Variants in SCHIP1 observed in about 807,000 individuals in gnomAD.
The protein encoded by SCHIP1 is schwannomin interacting protein 1, also known as schwannomin-interacting protein 1.
Under a neutral mutation model 29.7 loss-of-function variants are expected in SCHIP1, and 8 were observed. The ratio of observed to expected loss-of-function variants is 0.27; its 90% CI spans 0.16 to 0.49. The LOEUF is 0.49. Among genes scored for constraint, SCHIP1 ranks in the 20% least tolerant of loss-of-function variants. The probability of loss-of-function intolerance (pLI) is 0.99; values close to 1 mark genes in which losing one functional copy is unlikely to be tolerated. For missense variants in SCHIP1, 193 were observed against 294.6 expected (o/e 0.66, Z 2.52); for synonymous variants, 76 against 94.9 (o/e 0.80, Z 1.16).
chr3:159,866,219 T>C (rs1483143672), exon 2 of SCHIP1: 1 of 1,613,720 alleles, frequency 6.2e-7, no homozygotes, highest in Non-Finnish European at 8.5e-7. Flanking sequence ...GAAGCTTCTT[T>C]GATGATGGCC....
chr3:159,452,052 TTG>T, the SCHIP1 span, among the ~76,000 whole-genome samples: 2 of 152,094 alleles, frequency 1.3e-5, no homozygotes, highest in African/African-American at 2.4e-5. Context: ...GTGGTCTGCG[TTG>T]TGTGTAATTA....
the SCHIP1 span, among the ~76,000 whole-genome samples, chr3:159,426,270 AATAG>A: frequency 2.0e-4 from 31 of 152,232 alleles, no homozygotes; most frequent in Non-Finnish European, 3.4e-4. Flanking sequence ...GGATCAACAA[AATAG>A]ATAGACCAGT....
At chr3:159,364,092 T>C in the SCHIP1 span, among the ~76,000 whole-genome samples, 1 of 152,222 alleles carries the variant, frequency 6.6e-6, no homozygotes, top group African/African-American at 2.4e-5. Flanking sequence ...CAGATTTTGA[T>C]AACTTTTCAA....
At chr3:159,528,952 G>A in the SCHIP1 span, among the ~76,000 whole-genome samples, 1 of 152,094 alleles carries the variant, frequency 6.6e-6, no homozygotes, top group Middle Eastern at 3.4e-3. Context: ...ATACATTTGG[G>A]GTAGATCACC....
At chr3:159,863,509 T>A (rs1714276592) in intron 1 of SCHIP1, among the ~76,000 whole-genome samples, 1 of 152,196 alleles carries the variant, frequency 6.6e-6, no homozygotes, top group Non-Finnish European at 1.5e-5. Flanking sequence ...ATTTTAAAAT[T>A]GTGTTTTTAA....
At chr3:159,674,312 G>T in the SCHIP1 span, among the ~76,000 whole-genome samples, 519 of 152,244 alleles carry the variant, frequency 3.4e-3, 5 homozygotes, top group African/African-American at 0.012. Flanking sequence ...AGGGAGAGGG[G>T]CACCAAGCTA....
At chr3:159,659,910 G>T in the SCHIP1 span, among the ~76,000 whole-genome samples, 2 of 152,134 alleles carry the variant, frequency 1.3e-5, no homozygotes, top group Non-Finnish European at 2.9e-5. Context: ...GGAAAGACAG[G>T]CAGATCTATC....
the SCHIP1 span, among the ~76,000 whole-genome samples, chr3:159,631,599 T>C: frequency 1.3e-5 from 2 of 152,220 alleles, no homozygotes; most frequent in Admixed American, 6.5e-5. Context: ...ATGGTTCCAC[T>C]AATAGGAGCT....
At chr3:159,832,089 T>C in the SCHIP1 span, among the ~76,000 whole-genome samples, 2 of 152,270 alleles carry the variant, frequency 1.3e-5, no homozygotes, top group South Asian at 2.1e-4. Flanking sequence ...ACAAAATCTC[T>C]TGGAAAGAGA....
At chr3:159,622,735 A>C in the SCHIP1 span, among the ~76,000 whole-genome samples, 1 of 152,054 alleles carries the variant, frequency 6.6e-6, no homozygotes, top group African/African-American at 2.4e-5. Context: ...TGGCTCACAC[A>C]GTGAAACCCC....
the SCHIP1 span, among the ~76,000 whole-genome samples, chr3:159,311,734 A>G: frequency 6.6e-6 from 1 of 152,156 alleles, no homozygotes; most frequent in Non-Finnish European, 1.5e-5. Context: ...TATTTTGACT[A>G]TCTAAAAAAT....
At chr3:159,375,726 C>A in the SCHIP1 span, 1 of 694,908 alleles carries the variant, frequency 1.4e-6, no homozygotes, top group South Asian at 5.9e-5. Context: ...AAAACTCCGT[C>A]TCAAAATAAA....
At chr3:159,280,065 G>A in the SCHIP1 span, among the ~76,000 whole-genome samples, 1 of 152,164 alleles carries the variant, frequency 6.6e-6, no homozygotes, top group Non-Finnish European at 1.5e-5. Context: ...TAGAGTCCTG[G>A]TGCTTACTGT....
chr3:159,299,268 T>A, the SCHIP1 span, among the ~76,000 whole-genome samples: 2 of 152,212 alleles, frequency 1.3e-5, no homozygotes, highest in African/African-American at 4.8e-5. Context: ...GCACCCCTTA[T>A]GTTTCAGTCA....
At chr3:159,393,631 T>C in the SCHIP1 span, among the ~76,000 whole-genome samples, 89,715 of 144,282 alleles carry the variant, frequency 0.62, 28,774 homozygotes, top group East Asian at 0.74. Flanking sequence ...TGTAGATATG[T>C]GGCGTTATTT....
chr3:159,821,044 G>A, the SCHIP1 span, among the ~76,000 whole-genome samples: 3 of 152,202 alleles, frequency 2.0e-5, no homozygotes, highest in East Asian at 5.8e-4. Context: ...TGTAGTTAGT[G>A]ACTACAGCTC....
chr3:159,363,065 G>A, the SCHIP1 span, among the ~76,000 whole-genome samples: 2 of 152,094 alleles, frequency 1.3e-5, no homozygotes, highest in Non-Finnish European at 2.9e-5. Flanking sequence ...TATTCCCAAT[G>A]GCAACCCCTT....
chr3:159,872,545 G>T (rs573048361), intron 2 of SCHIP1, among the ~76,000 whole-genome samples: 1 of 152,286 alleles, frequency 6.6e-6, no homozygotes, highest in African/African-American at 2.4e-5. Flanking sequence ...GTATTTCACA[G>T]TAGCTCATAA....
chr3:159,560,288 G>C, the SCHIP1 span, among the ~76,000 whole-genome samples: 3 of 152,136 alleles, frequency 2.0e-5, no homozygotes, highest in Non-Finnish European at 4.4e-5. Context: ...GATTCTTCTT[G>C]TAAGTCAGTG....
Sources: allele counts gnomAD v4.1 joint callset (sites outside exome capture counted in the v4.1 genomes callset), GRCh38; gene constraint gnomAD v4.1.1; transcripts MANE v1.5; gene names NCBI Gene and HGNC (gene_info 2026-07-23, HGNC 2026-07-21).